The following TJP1 variants were observed in gnomAD, a reference collection of about 807,000 sequenced individuals.
TJP1 encodes the protein tight junction protein ZO-1.
Under a neutral mutation model 194.2 loss-of-function variants are expected in TJP1, and 43 were observed. That is an observed-to-expected ratio of 0.22 (90% CI 0.17 to 0.29). TJP1 has a LOEUF of 0.29. TJP1 is among the 10% of genes least tolerant of loss of function. The probability of loss-of-function intolerance (pLI) is 1.00; values close to 1 mark genes in which losing one functional copy is unlikely to be tolerated. For missense variants in TJP1, 1,971 were observed against 2,185.7 expected, an observed-to-expected ratio of 0.90 and a Z score of 1.96; for synonymous variants, 801 against 779.0, an observed-to-expected ratio of 1.03 and a Z score of -0.47.
At chr15:29,886,603 T>TA (rs145605450) in intron 2 of TJP1, among the ~76,000 whole-genome samples, 1,992 of 145,208 alleles carry the variant, frequency 0.014, 41 homozygotes, top group African/African-American at 0.048. Context: ...GGCCATGTCT[T>TA]AAAAAAAAAA....
intron 2 of TJP1, among the ~76,000 whole-genome samples, chr15:29,785,866 G>C (rs907963185): frequency 6.6e-6 from 1 of 152,194 alleles, no homozygotes; most frequent in African/African-American, 2.4e-5. Flanking sequence ...TACAGCTGAA[G>C]TCAGCAGGCC....
Position 29,711,795 on chromosome 15 carries a change from G to C in TJP1, c.4203-795C>G, listed in dbSNP as rs1211103927. ...AGAGAGTAAATGTTTGTGGTCTTTT[G>C]GCCCATACAGTCTTTGTTAGAACTA... On this transcript the variant is annotated intron_variant, in intron 23 of 27. Coordinates refer to ENST00000614355, the MANE Select transcript of TJP1 (RefSeq NM_001330239.4). Among the ~76,000 whole-genome samples the C allele has an allele frequency of 3.9e-5, 6 of 152,230 alleles. No individual in the cohort carries two copies. In the East Asian group the frequency reaches 1.2e-3, roughly 29 times the overall value.
At chr15:29,826,171 A>G (rs2152035467), upstream of TJP1, among the ~76,000 whole-genome samples, 1 of 152,192 alleles carries the variant, frequency 6.6e-6, no homozygotes, top group African/African-American at 2.4e-5. Context: ...AGACATAAAC[A>G]CTAAAAAACA....
Position 29,822,176 on chromosome 15 carries a change from G to A in TJP1, c.-148C>T, listed in dbSNP as rs1053440782. ...GGCGGCCGGAAGGGCCCGGCCCAGG[G>A]GGAGGGAATTCAACTCGGACAAAAG... On this transcript the variant is annotated 5_prime_UTR_variant, in exon 1 of 28. Transcript: ENST00000614355. 1.7e-6 allele frequency: 2 copies of A among 1,181,670 alleles called. No individual in the cohort carries two copies. The highest frequency in any genetic ancestry group is 2.1e-6 in the Non-Finnish European group (2 of 954,962). 73.2% of individuals were successfully genotyped at this position (1,181,670 alleles called of 1,614,324 possible). A position where few individuals can be genotyped will look rare whatever the true frequency, so the allele number is the denominator to read the frequency against.
intron 2 of TJP1, among the ~76,000 whole-genome samples, chr15:29,788,835 G>A (rs530019305): frequency 6.6e-6 from 1 of 152,282 alleles, no homozygotes; most frequent in African/African-American, 2.4e-5. Flanking sequence ...CATTTTCTAA[G>A]GGCGAGTATC....
intron 2 of TJP1, among the ~76,000 whole-genome samples, chr15:29,871,924 C>T (rs144321375): frequency 5.3e-4 from 81 of 152,330 alleles, no homozygotes; most frequent in African/African-American, 1.7e-3. Context: ...AATTACAGAG[C>T]GCCTATGCCT....
At chr15:29,715,250 C>T (rs150473050) in intron 23 of TJP1, among the ~76,000 whole-genome samples, 1 of 152,186 alleles carries the variant, frequency 6.6e-6, no homozygotes, top group African/African-American at 2.4e-5. Context: ...TGCCACAACC[C>T]CTTTCTAGTG....
At chr15:29,895,163 A>G (rs1326512322) in intron 2 of TJP1, among the ~76,000 whole-genome samples, 1 of 152,214 alleles carries the variant, frequency 6.6e-6, no homozygotes, top group Non-Finnish European at 1.5e-5. Flanking sequence ...ATCTCATCAA[A>G]GAGTTGCTTG....
intron 2 of TJP1, among the ~76,000 whole-genome samples, chr15:29,855,185 C>G (rs2051799496): frequency 6.6e-6 from 1 of 151,868 alleles, no homozygotes; most frequent in Non-Finnish European, 1.5e-5. Flanking sequence ...AAAAAATAAA[C>G]AGCTTTTATT....
At chr15:29,708,372 A>G (rs2042034206) in intron 25 of TJP1, among the ~76,000 whole-genome samples, 187 bp downstream of exon 25, 1 of 152,172 alleles carries the variant, frequency 6.6e-6, no homozygotes, top group Non-Finnish European at 1.5e-5. Flanking sequence ...TGTTAGCTTT[A>G]TTATTTTACC....
chr15:29,787,115 T>G (rs746349321), intron 2 of TJP1, among the ~76,000 whole-genome samples: 1 of 152,210 alleles, frequency 6.6e-6, no homozygotes, highest in Admixed American at 6.5e-5. Context: ...ATTCCTTTTA[T>G]CACTTTACTG....
At chr15:29,853,798 C>T (rs2051737184) in intron 2 of TJP1, among the ~76,000 whole-genome samples, 1 of 152,260 alleles carries the variant, frequency 6.6e-6, no homozygotes, top group East Asian at 1.9e-4. Context: ...TTTTCAGGAT[C>T]CTGAAGGCAA....
At chr15:29,932,458 T>C (rs1229448200) in intron 2 of TJP1, among the ~76,000 whole-genome samples, 3 of 152,074 alleles carry the variant, frequency 2.0e-5, no homozygotes, top group Non-Finnish European at 4.4e-5. Context: ...TCTCTACTTC[T>C]TGCCACATCC....
chr15:29,870,367 C>G (rs1184837271), intron 2 of TJP1, among the ~76,000 whole-genome samples: 1 of 152,114 alleles, frequency 6.6e-6, no homozygotes, highest in Non-Finnish European at 1.5e-5. Context: ...TAAGGTTAGT[C>G]CTGTGTGTAA....
chr15:29,843,351 G>A (rs933363409), intron 2 of TJP1, among the ~76,000 whole-genome samples: 5 of 151,948 alleles, frequency 3.3e-5, no homozygotes, highest in Non-Finnish European at 5.9e-5. Context: ...CACCACACCT[G>A]GCTAATTTTG....
chr15:29,820,640 A>G, intron 1 of TJP1: 1 of 712,260 alleles, frequency 1.4e-6, no homozygotes, highest in Non-Finnish European at 2.6e-6. Context: ...GAACAAAGTG[A>G]CATTCTGTGT....
At chr15:29,744,047 C>T (rs2044603237) in intron 8 of TJP1, among the ~76,000 whole-genome samples, 1 of 152,084 alleles carries the variant, frequency 6.6e-6, no homozygotes, top group Admixed American at 6.5e-5. Flanking sequence ...GGCGTGGTGG[C>T]ATGCGCCTAT....
At chr15:29,932,298 CCA>C (rs1439341517) in intron 2 of TJP1, among the ~76,000 whole-genome samples, 2 of 151,968 alleles carry the variant, frequency 1.3e-5, no homozygotes, top group Non-Finnish European at 2.9e-5. Context: ...GGTAAACAGA[CCA>C]AGGGAAAATA....
chr15:29,831,182 A>G (rs1416795977), intron 2 of TJP1, among the ~76,000 whole-genome samples: 1 of 152,198 alleles, frequency 6.6e-6, no homozygotes. Context: ...TTTTGTATGA[A>G]CTTTATTTCA....
Sources: gnomAD v4.1 joint callset for allele counts (sites outside exome capture counted in the v4.1 genomes callset) on GRCh38, gnomAD v4.1.1 for gene constraint, MANE v1.5 for transcripts, NCBI Gene and HGNC (gene_info 2026-07-23, HGNC 2026-07-21) for gene names.